The following STRA6 variants were observed in gnomAD, a reference collection of about 807,000 sequenced individuals.
STRA6 encodes the protein receptor for retinol uptake STRA6.
In STRA6, 48 loss-of-function variants were observed where a neutral mutation model predicts 83.6. That is an observed-to-expected ratio of 0.57 (90% CI 0.46 to 0.73). STRA6 has a LOEUF of 0.73. Ranked by LOEUF, STRA6 falls within the 30% of genes least tolerant of loss-of-function variation. The probability of loss-of-function intolerance (pLI) is 0.00; values close to 1 mark genes in which losing one functional copy is unlikely to be tolerated. For missense variants in STRA6, 760 were observed against 838.8 expected (o/e 0.91, Z 1.16); for synonymous variants, 353 against 362.3 (o/e 0.97, Z 0.29).
rs1246268008 is a variant in STRA6 at position 74,195,282 on chromosome 15, C to T, written c.597+20G>A. 2.5e-6 allele frequency: 4 copies of T among 1,610,548 alleles called. No individual in the cohort carries two copies. The highest frequency in any genetic ancestry group is 8.5e-7 in the Non-Finnish European group (1 of 1,179,572). On this transcript the variant is annotated intron_variant, in intron 7 of 18. Transcript: ENST00000395105. Reference sequence around the variant, plus strand: ...GCTCTGTGCGCCCCTCTGCCCTAGGCCATTGTGATCAGCGGTTACCTTGGG... The same window carrying T: ...GCTCTGTGCGCCCCTCTGCCCTAGGTCATTGTGATCAGCGGTTACCTTGGG...
Position 74,196,112 on chromosome 15 carries a change from GC to G in STRA6, c.301del (p.Ala101GlnfsTer11). On this transcript the variant is annotated frameshift_variant, in exon 5 of 19. Coordinates refer to ENST00000395105, the MANE Select transcript of STRA6 (RefSeq NM_022369.4). LOFTEE classifies it high-confidence loss of function. The part of the protein sequence containing the change: ...VDFLAGDRPR[A>X]VPAAVFMVLL... ...GACCATGAAAACAGCAGCAGGCACT[GC>G]CCGGGGCCTGTCCCCAGCCAAGAAA... 1 of 1,613,996 alleles carries G rather than the reference GC, an allele frequency of 6.2e-7. No individual in the cohort carries two copies. Among genetic ancestry groups the G allele is most frequent in the Non-Finnish European group, 8.5e-7 (1 of 1,180,006 alleles).
In STRA6 at chr15:74,202,296, CGA is replaced by C; in HGVS notation, c.-15-16_-15-15del. 2 of 1,551,760 alleles carry C rather than the reference CGA, an allele frequency of 1.3e-6. No individual in the cohort carries two copies. The highest frequency in any genetic ancestry group is 1.7e-6 in the Non-Finnish European group (2 of 1,158,280). On this transcript the variant is annotated splice_polypyrimidine_tract_variant and intron_variant, in intron 1 of 18. Transcript: ENST00000395105. The stretch of plus-strand genomic sequence containing the variant: ...CTGGCCCTTCTCCTTTGACCCCAGG[CGA>C]GAGAAAAAAAAAGCCACTACAGATG...
rs142048815 is a variant in STRA6, at chr15:74,180,786, G to A, written c.1836C>T (p.Asp612=). The change falls in exon 18 of 19, where the codon GAC becomes GAT. Residue 612 remains aspartate (D), a synonymous_variant. Transcript: ENST00000395105. ...ATTCCCAGTGGGAGGGCGCACCTTC[G>A]TCTTCCTCCCCTGGTCTGAGGCTGT... ...PQDSLRPGEE[D]EGMQLLQTKD... 2,128 of 1,604,706 alleles carry A rather than the reference G, an allele frequency of 1.3e-3. 20 individuals are homozygous for A. In the African/African-American group the frequency reaches 0.019, roughly 15 times the overall value.
chr15:74,196,640 G>A (rs1406674704), intron 4 of STRA6, among the ~76,000 whole-genome samples: 6 of 152,210 alleles, frequency 3.9e-5, no homozygotes, highest in Admixed American at 3.9e-4. Flanking sequence ...CATGCTCTGA[G>A]AGGTTCATTC....
At chr15:74,197,634 G>T in intron 3 of STRA6, 118 bp downstream of exon 3, 1 of 1,382,584 alleles carries the variant, frequency 7.2e-7, no homozygotes, top group Non-Finnish European at 1.0e-6. Context: ...CTCCCAGATA[G>T]CTCCCCCCAC....
chr15:74,202,573 G>A lies in STRA6; in HGVS notation c.-16+140C>T, dbSNP rs1321043025. On this transcript the variant is annotated intron_variant, in intron 1 of 18. Transcript: ENST00000395105. Reference sequence around the variant, plus strand: ...CCTTGGGGCCCCGGGGCTCCCGCTGGCGCATCTGTCTGACCAACCACCAGC... The same window carrying A: ...CCTTGGGGCCCCGGGGCTCCCGCTGACGCATCTGTCTGACCAACCACCAGC... 7 of 1,473,682 alleles carry A rather than the reference G, an allele frequency of 4.8e-6. No individual in the cohort carries two copies. The Admixed American group carries it at 7.9e-5, about 17-fold the overall frequency. 91.3% of individuals were successfully genotyped at this position (1,473,682 alleles called of 1,614,324 possible). A position where few individuals can be genotyped will look rare whatever the true frequency, so the allele number is the denominator to read the frequency against.
At chr15:74,186,436 C>T (rs2073248947) in intron 12 of STRA6, among the ~76,000 whole-genome samples, 1 of 152,158 alleles carries the variant, frequency 6.6e-6, no homozygotes, top group African/African-American at 2.4e-5. Flanking sequence ...GGTGAAACTC[C>T]GTCTCTACTA....
chr15:74,185,143 T>A, intron 12 of STRA6, 88 bp from the exon 13 acceptor site: 1 of 1,339,220 alleles, frequency 7.5e-7, no homozygotes, highest in Non-Finnish European at 1.1e-6. Flanking sequence ...TGGTGCCTTG[T>A]GGGGAGTTCC....
chr15:74,180,716 G>A, intron 18 of STRA6, 66 bp downstream of exon 18: 1 of 1,539,424 alleles, frequency 6.5e-7, no homozygotes, highest in Non-Finnish European at 8.8e-7. Flanking sequence ...GCTGGGGAGG[G>A]GCACACATCC....
intron 16 of STRA6, 32 bp from the exon 17 acceptor site, chr15:74,181,490 G>T (rs770161440): frequency 6.2e-7 from 1 of 1,608,814 alleles, no homozygotes; most frequent in Non-Finnish European, 8.5e-7. Context: ...GAGGCAGGCC[G>T]TTCCCCAGAG....
chr15:74,197,045 G>A (rs536565300), intron 4 of STRA6, among the ~76,000 whole-genome samples: 4 of 152,182 alleles, frequency 2.6e-5, no homozygotes, highest in African/African-American at 9.7e-5. Context: ...ACACATGGAG[G>A]GCTGCCTGAG....
chr15:74,210,965 GT>G (rs2074358991), upstream of STRA6, among the ~76,000 whole-genome samples: 1 of 152,178 alleles, frequency 6.6e-6, no homozygotes, highest in Non-Finnish European at 1.5e-5. Flanking sequence ...AGAGCAGTAA[GT>G]TACTGGCAAA....
At chr15:74,204,026 A>T (rs1264478314), upstream of STRA6, among the ~76,000 whole-genome samples, 1 of 152,178 alleles carries the variant, frequency 6.6e-6, no homozygotes, top group African/African-American at 2.4e-5. Flanking sequence ...GCAGGGCAGG[A>T]TTAGGGGCTG....
intron 14 of STRA6, 112 bp from the exon 15 acceptor site, chr15:74,182,572 C>G: frequency 2.5e-6 from 2 of 815,652 alleles, no homozygotes; most frequent in Middle Eastern, 3.5e-4. Context: ...GGTTTTAGAT[C>G]TCTGCTCTGC....
At chr15:74,208,875 G>T (rs1254246378) in exon 1 of STRA6, 2 of 988,762 alleles carry the variant, frequency 2.0e-6, no homozygotes, top group Non-Finnish European at 2.4e-6. Flanking sequence ...CCGGAAACTT[G>T]TCCCTCCAGG....
chr15:74,194,294 T>G (rs181417591), intron 7 of STRA6: 1 of 1,112,632 alleles, frequency 9.0e-7, no homozygotes, highest in East Asian at 5.9e-5. Context: ...TGCCTACATA[T>G]AGTTTTCAAC....
upstream of STRA6, chr15:74,203,296 C>A: frequency 3.7e-6 from 3 of 806,110 alleles, no homozygotes; most frequent in Non-Finnish European, 4.5e-6. Flanking sequence ...ACCAGACCCA[C>A]GGGTAGGCAA....
chr15:74,207,617 T>C, upstream of STRA6: 1 of 1,344,926 alleles, frequency 7.4e-7, no homozygotes, highest in Non-Finnish European at 1.0e-6. Flanking sequence ...AAACCTCAGG[T>C]ACACCCCCAA....
chr15:74,183,792 C>T, intron 14 of STRA6, 64 bp downstream of exon 14: 1 of 1,612,202 alleles, frequency 6.2e-7, no homozygotes, highest in Non-Finnish European at 8.5e-7. Flanking sequence ...TTCTCCCCAA[C>T]TGAGGCCAGT....
Sources: allele counts gnomAD v4.1 joint callset (sites outside exome capture counted in the v4.1 genomes callset), GRCh38; gene constraint gnomAD v4.1.1; transcripts MANE v1.5; gene names NCBI Gene and HGNC (gene_info 2026-07-23, HGNC 2026-07-21).